The following ADGRD1 variants were observed in gnomAD, a reference collection of about 807,000 sequenced individuals.
The protein encoded by ADGRD1 is adhesion G protein-coupled receptor D1.
ADGRD1 carries 77 observed loss-of-function variants against 113.4 expected under a neutral mutation model. The ratio of observed to expected loss-of-function variants is 0.68; its 90% CI spans 0.57 to 0.82. The LOEUF is 0.82. Among genes scored for constraint, ADGRD1 ranks in the 40% least tolerant of loss-of-function variants. The pLI, the probability that ADGRD1 is intolerant of heterozygous loss-of-function variation, is 0.00. For missense variants in ADGRD1, 1,036 were observed against 1,139.1 expected, an observed-to-expected ratio of 0.91 and a Z score of 1.30; for synonymous variants, 474 against 475.0, an observed-to-expected ratio of 1.00 and a Z score of 0.03.
intron 15 of ADGRD1, among the ~76,000 whole-genome samples, chr12:131,089,251 T>C (rs1886733101): frequency 6.6e-6 from 1 of 152,106 alleles, no homozygotes; most frequent in South Asian, 2.1e-4. Context: ...ACCTGGAAGA[T>C]TCAGAGACAA....
intron 13 of ADGRD1, among the ~76,000 whole-genome samples, chr12:131,031,931 CTGTT>C (rs1264460551): frequency 6.6e-6 from 1 of 152,208 alleles, no homozygotes; most frequent in Non-Finnish European, 1.5e-5. Flanking sequence ...CCATTTGTGT[CTGTT>C]TGGTGAACTG....
intron 2 of ADGRD1, chr12:130,962,950 G>C (rs565013964): frequency 6.6e-6 from 1 of 152,236 alleles, no homozygotes; most frequent in South Asian, 2.1e-4. Context: ...GAAAATGATG[G>C]TATGTTCATA....
intron 13 of ADGRD1, among the ~76,000 whole-genome samples, chr12:131,037,199 CA>C (rs1881568582): frequency 6.9e-6 from 1 of 144,642 alleles, no homozygotes; most frequent in African/African-American, 2.6e-5. Flanking sequence ...GGGCCTCACT[CA>C]CTACACCAGG....
At chr12:131,055,720 A>G (rs1883808514) in intron 13 of ADGRD1, among the ~76,000 whole-genome samples, 1 of 152,230 alleles carries the variant, frequency 6.6e-6, no homozygotes, top group Non-Finnish European at 1.5e-5. Context: ...TGTGAGACAA[A>G]GCAGACGAAC....
rs950437264 is a variant in ADGRD1 at position 131,003,427 on chromosome 12, C to T, written c.1144+125C>T. ...CTGTCTCCCTGACTGCTCTGCCTGG[C>T]ACAAACCACATTTGGAAGGAAAACC... On this transcript the variant is annotated intron_variant, in intron 10 of 24. Transcript: ENST00000261654. This position sits in a 1 kb window ranked among gnomAD's most constrained non-coding sequence, Gnocchi z 4.8. 1.9e-5 allele frequency: 14 copies of T among 748,194 alleles called. No homozygotes were observed. Among genetic ancestry groups the T allele is most frequent in the Non-Finnish European group, 3.0e-5 (13 of 432,014 alleles). 46.3% of individuals were successfully genotyped at this position (748,194 alleles called of 1,614,324 possible).
chr12:131,090,482 C>T (rs1648006024), intron 15 of ADGRD1, among the ~76,000 whole-genome samples: 1 of 152,160 alleles, frequency 6.6e-6, no homozygotes, highest in Non-Finnish European at 1.5e-5. Context: ...TCTCCATATC[C>T]AGCCTCCTCC....
rs202010208 is a variant in ADGRD1, at chr12:130,987,279, C to T, written c.675C>T (p.Phe225=). 17 of 1,614,168 alleles carry T rather than the reference C, an allele frequency of 1.1e-5. No individual in the cohort carries two copies. In the South Asian group the frequency reaches 1.6e-4, roughly 16 times the overall value. Residue 225 remains phenylalanine (F), a synonymous_variant, in exon 6 of 25, where the codon TTC becomes TTT. Transcript: ENST00000261654. ...CCAAGTGTTATGAGAACGGTGCTTT[C>T]GATGAGTTCATCATCTGGGAGCGGG... ...DQAKCYENGA[F]DEFIIWERAL...
At chr12:131,005,861 G>T in intron 11 of ADGRD1, 111 bp from the exon 12 acceptor site, 1 of 820,260 alleles carries the variant, frequency 1.2e-6, no homozygotes, top group South Asian at 1.4e-5. Context: ...CTCCCCAGAG[G>T]GTTCTTAGGA....
chr12:131,137,888 A>G (rs1052378073), intron 23 of ADGRD1: 1 of 362,054 alleles, frequency 2.8e-6, no homozygotes, highest in African/African-American at 2.3e-5. Context: ...CGGGACATTC[A>G]TTGCTGAGTG....
At chr12:131,016,775 C>T (rs1188190791) in intron 13 of ADGRD1, among the ~76,000 whole-genome samples, 1 of 152,224 alleles carries the variant, frequency 6.6e-6, no homozygotes, top group Non-Finnish European at 1.5e-5. Flanking sequence ...AGCCTGTAAT[C>T]CCAGCTACTT....
rs560748860 is a variant in ADGRD1 at position 131,084,114 on chromosome 12, T to C, written c.1548-426T>C. On this transcript the variant is annotated intron_variant, in intron 14 of 24. Transcript: ENST00000261654. This position sits in a 1 kb window ranked among gnomAD's most constrained non-coding sequence, Gnocchi z 4.5. ...CACTGCACTCACCCGTTTCCCCCGA[T>C]GGGCATTTATGTTACCGTCACTCAT... is the stretch of plus-strand genomic sequence containing the variant. Among the ~76,000 whole-genome samples the C allele has an allele frequency of 3.5e-3, 533 of 152,354 alleles. 5 individuals carry two copies. Among genetic ancestry groups the C allele is most frequent in the African/African-American group, 0.012 (511 of 41,586 alleles).
chr12:131,088,810 C>T (rs1482806228), intron 15 of ADGRD1, among the ~76,000 whole-genome samples: 1 of 152,194 alleles, frequency 6.6e-6, no homozygotes, highest in African/African-American at 2.4e-5. Context: ...AGAAAGCTGG[C>T]GATCTGTTTC....
chr12:130,979,140 C>T (rs948078086), intron 4 of ADGRD1, among the ~76,000 whole-genome samples: 1 of 152,206 alleles, frequency 6.6e-6, no homozygotes, highest in Admixed American at 6.5e-5. Flanking sequence ...CCCCCACAGT[C>T]GCACCCTTTT....
intron 2 of ADGRD1, among the ~76,000 whole-genome samples, chr12:130,958,443 G>C (rs1023891342): frequency 6.6e-6 from 1 of 152,016 alleles, no homozygotes; most frequent in African/African-American, 2.4e-5. Context: ...CAGGTGATCC[G>C]CCTGCCTCGG....
chr12:130,963,086 C>A (rs568935995), intron 2 of ADGRD1: 2 of 152,026 alleles, frequency 1.3e-5, no homozygotes, highest in Non-Finnish European at 2.9e-5. Flanking sequence ...TTTGGGAGGC[C>A]GAGGCGGGCG....
chr12:131,044,259 G>A (rs1882441521), intron 13 of ADGRD1, among the ~76,000 whole-genome samples: 2 of 152,296 alleles, frequency 1.3e-5, no homozygotes, highest in South Asian at 2.1e-4. Flanking sequence ...TGAAGCGGCC[G>A]TCCTCACATG....
chr12:130,981,995 G>C lies in ADGRD1; in HGVS notation c.422G>C (p.Gly141Ala). ...GGGTTCAAAGTCTGCTCCAGCGGTG[G>C]CAGAGGCTCTGTGGAGCTGTATACG... ...SNGFKVCSSG[G>A]RGSVELYTRD... The change falls in exon 5 of 25, where the codon GGC becomes GCC. Residue 141 changes from glycine to alanine, a missense_variant. Gly to Ala is a moderately conservative substitution (Grantham distance 60). Coordinates refer to ENST00000261654, the MANE Select transcript of ADGRD1 (RefSeq NM_198827.5). The C allele has an allele frequency of 6.2e-7, 1 of 1,613,994 alleles. No individual in the cohort carries two copies. The highest frequency in any genetic ancestry group is 8.5e-7 in the Non-Finnish European group (1 of 1,179,858).
intron 12 of ADGRD1, among the ~76,000 whole-genome samples, chr12:131,006,529 C>A (rs1170777532): frequency 6.6e-6 from 1 of 152,244 alleles, no homozygotes; most frequent in African/African-American, 2.4e-5. Context: ...AGGACGCCGT[C>A]TAGACCTGCT....
intron 20 of ADGRD1, among the ~76,000 whole-genome samples, chr12:131,124,655 C>T (rs1593256972): frequency 1.9e-5 from 2 of 105,558 alleles, no homozygotes; most frequent in East Asian, 1.9e-4. Flanking sequence ...TACAGCCAAA[C>T]ACACACACTG....
Sources: gnomAD v4.1 joint callset for allele counts (sites outside exome capture counted in the v4.1 genomes callset) on GRCh38, gnomAD v4.1.1 for gene constraint, Gnocchi (gnomAD v3.1) non-coding constraint, MANE v1.5 for transcripts, NCBI Gene and HGNC (gene_info 2026-07-23, HGNC 2026-07-21) for gene names.